Variants in SPSB1 observed in about 807,000 individuals in gnomAD.
SPSB1 encodes splA/ryanodine receptor domain and SOCS box containing 1.
SPSB1 carries 8 observed loss-of-function variants against 21.2 expected under a neutral mutation model. The observed-to-expected ratio is 0.38, with a 90% confidence interval of 0.22 to 0.68. The LOEUF is 0.68. Ranked by LOEUF, SPSB1 falls within the 30% of genes least tolerant of loss-of-function variation. SPSB1 has a pLI of 0.53. For synonymous variants in SPSB1, 169 were observed against 161.7 expected (o/e 1.05, Z -0.34); for missense variants, 242 against 377.8 (o/e 0.64, Z 2.98).
rs199573556 is a variant in SPSB1 at position 9,313,397 on chromosome 1, CT to C, written c.-150+20327del. On this transcript the variant is annotated intron_variant, in intron 1 of 2. Transcript: ENST00000328089. ...CCTGGGCAACAAGAGCGAAACACCG[CT>C]CTTCATTTTCTATAAAATGAAATAA... Among the ~76,000 whole-genome samples, 1,010 of 152,280 alleles carry C rather than the reference CT, an allele frequency of 6.6e-3. 4 individuals carry two copies. Among genetic ancestry groups the C allele is most frequent in the African/African-American group, 0.022 (917 of 41,528 alleles).
chr1:9,354,671 G>A (rs1052652909), intron 1 of SPSB1, among the ~76,000 whole-genome samples: 1 of 152,084 alleles, frequency 6.6e-6, no homozygotes, highest in Admixed American at 6.5e-5. Flanking sequence ...AAATTAGCCA[G>A]GCATGGTGGT....
intron 1 of SPSB1, among the ~76,000 whole-genome samples, chr1:9,316,760 T>TTGGGTC (rs1424148596): frequency 5.9e-5 from 9 of 152,088 alleles, no homozygotes; most frequent in Non-Finnish European, 1.2e-4. Flanking sequence ...GGAAGCGGCA[T>TTGGGTC]TGGGTCTGGG....
chr1:9,301,102 AT>A (rs1437021871), intron 1 of SPSB1, among the ~76,000 whole-genome samples: 1 of 152,194 alleles, frequency 6.6e-6, no homozygotes, highest in African/African-American at 2.4e-5. Flanking sequence ...CAGATGAGTG[AT>A]TATATACTGA....
At chr1:9,334,918 G>T (rs896961987) in intron 1 of SPSB1, among the ~76,000 whole-genome samples, 1 of 152,160 alleles carries the variant, frequency 6.6e-6, no homozygotes, top group African/African-American at 2.4e-5. Context: ...GTGGGGATGG[G>T]CCCCATTTTG....
chr1:9,327,262 A>AT lies in SPSB1; in HGVS notation c.-149-28476dup, dbSNP rs56655970. Among the ~76,000 whole-genome samples the AT allele has an allele frequency of 3.2e-3, 493 of 152,218 alleles. 2 individuals carry two copies. The highest frequency in any genetic ancestry group is 0.011 in the African/African-American group (436 of 41,506). ...TTTTATCTCATCCAGTTTCATTTCT[A>AT]TTTTTGGGATGTGTGTTTCATAATG... On this transcript the variant is annotated intron_variant, in intron 1 of 2. Coordinates refer to ENST00000328089, the MANE Select transcript of SPSB1 (RefSeq NM_025106.4).
chr1:9,314,622 C>T (rs1416809003), intron 1 of SPSB1, among the ~76,000 whole-genome samples: 4 of 152,190 alleles, frequency 2.6e-5, no homozygotes, highest in African/African-American at 4.8e-5. Context: ...CAGCCTCATC[C>T]CTGAGTTTCC....
At chr1:9,340,373 C>T (rs1476794828) in intron 1 of SPSB1, among the ~76,000 whole-genome samples, 2 of 152,198 alleles carry the variant, frequency 1.3e-5, no homozygotes, top group Non-Finnish European at 2.9e-5. Flanking sequence ...GCCCAGCTGC[C>T]GATACAATTA....
At chr1:9,354,895 C>T (rs1351418925) in intron 1 of SPSB1, among the ~76,000 whole-genome samples, 2 of 152,190 alleles carry the variant, frequency 1.3e-5, no homozygotes, top group African/African-American at 4.8e-5. Context: ...CCCTGTTCTC[C>T]CTCCTGAAGG....
At chr1:9,329,172 G>A (rs732590) in intron 1 of SPSB1, among the ~76,000 whole-genome samples, 59,239 of 151,782 alleles carry the variant, frequency 0.39, 12,419 homozygotes, top group Non-Finnish European at 0.49. Context: ...ATGAAGCAGT[G>A]TGAGGGGCAC....
rs982835796 is a variant in SPSB1 at position 9,346,973 on chromosome 1, T to G, written c.-149-8770T>G. 7.9e-5 allele frequency among the ~76,000 whole-genome samples: 12 copies of G among 152,254 alleles called. No individual in the cohort carries two copies. Among genetic ancestry groups the G allele is most frequent in the African/African-American group, 2.9e-4 (12 of 41,474 alleles). On this transcript the variant is annotated intron_variant, in intron 1 of 2. Transcript: ENST00000328089. This position sits in a 1 kb window ranked among gnomAD's most constrained non-coding sequence, Gnocchi z 4.4. Reference sequence around the variant, plus strand: ...TAGATCACTGTAGAAATAATGTCCCTCTTCGGGATGGCCCCAAAGCTTCCC... The same window carrying G: ...TAGATCACTGTAGAAATAATGTCCCGCTTCGGGATGGCCCCAAAGCTTCCC...
rs764834979 is a variant in SPSB1 at position 9,367,461 on chromosome 1, G to C, written c.708G>C (p.Pro236=). 2.5e-6 allele frequency: 4 copies of C among 1,613,586 alleles called. No homozygotes were observed. Among genetic ancestry groups the C allele is most frequent in the South Asian group, 1.1e-5 (1 of 91,088 alleles). The change falls in exon 3 of 3, where the codon CCG becomes CCC. Residue 236 remains proline, a synonymous_variant. Transcript: ENST00000328089. The surrounding 1 kb of genome is among the most constrained non-coding windows in gnomAD (Gnocchi z 5.9). ...YLNGLDPEPL[P]LMDLCRRSVR... ...CTGTCTCCCCAGCCGAGCCGCTGCC[G>C]CTCATGGATTTGTGCCGTCGCTCGG... is the stretch of plus-strand genomic sequence containing the variant.
intron 1 of SPSB1, among the ~76,000 whole-genome samples, chr1:9,354,482 G>C (rs1640328741): frequency 6.6e-6 from 1 of 151,996 alleles, no homozygotes; most frequent in South Asian, 2.1e-4. Flanking sequence ...GTTCTTGATG[G>C]CAGAAAGAAA....
intron 1 of SPSB1, among the ~76,000 whole-genome samples, chr1:9,296,769 T>C (rs1639233027): frequency 6.6e-6 from 1 of 152,256 alleles, no homozygotes; most frequent in Non-Finnish European, 1.5e-5. Context: ...TCGGGAGATG[T>C]ACGTCCTTTC....
intron 1 of SPSB1, among the ~76,000 whole-genome samples, chr1:9,300,579 C>T (rs1639311715): frequency 6.6e-6 from 1 of 152,236 alleles, no homozygotes; most frequent in Admixed American, 6.5e-5. Context: ...TGGCCTAATA[C>T]TGGACCCTAG....
chr1:9,299,033 C>G, intron 1 of SPSB1, among the ~76,000 whole-genome samples: 1 of 152,208 alleles, frequency 6.6e-6, no homozygotes, highest in African/African-American at 2.4e-5. Context: ...CACCACATCC[C>G]CATTCAACTC....
chr1:9,335,800 C>T (rs773868793), intron 1 of SPSB1, among the ~76,000 whole-genome samples: 1 of 152,130 alleles, frequency 6.6e-6, no homozygotes, highest in Non-Finnish European at 1.5e-5. Context: ...AGGGCAGGAC[C>T]CTGTCTGTGA....
At chr1:9,313,310 A>G (rs1399560218) in intron 1 of SPSB1, among the ~76,000 whole-genome samples, 1 of 152,064 alleles carries the variant, frequency 6.6e-6, no homozygotes, top group Non-Finnish European at 1.5e-5. Context: ...TGAGGCAGGA[A>G]AATCGCTTGG....
intron 1 of SPSB1, 122 bp from the exon 2 acceptor site, chr1:9,355,621 G>T: frequency 1.8e-6 from 2 of 1,118,990 alleles, no homozygotes; most frequent in Non-Finnish European, 2.3e-6. Flanking sequence ...CCCGTGTCAG[G>T]CATGACAGAG....
rs373216222 is a variant in SPSB1, at chr1:9,314,241, C to T, written c.-150+21170C>T. On this transcript the variant is annotated intron_variant, in intron 1 of 2. Coordinates refer to ENST00000328089, the MANE Select transcript of SPSB1 (RefSeq NM_025106.4). ...CAGCTGGAAAATACCCCCAAATATC[C>T]ACCTGACATTTTCAGTGTCTCTGCT... 1.8e-4 allele frequency among the ~76,000 whole-genome samples: 28 copies of T among 152,034 alleles called. No homozygotes were observed. The East Asian group carries it at 3.9e-3, about 21-fold the overall frequency.
Sources: gnomAD v4.1 joint callset for allele counts (sites outside exome capture counted in the v4.1 genomes callset) on GRCh38, gnomAD v4.1.1 for gene constraint, Gnocchi (gnomAD v3.1) non-coding constraint, MANE v1.5 for transcripts, NCBI Gene and HGNC (gene_info 2026-07-23, HGNC 2026-07-21) for gene names.